Variants in ADRA1A observed in about 807,000 individuals in gnomAD.
ADRA1A encodes alpha-1A adrenergic receptor.
ADRA1A carries 31 observed loss-of-function variants against 29.6 expected under a neutral mutation model. The observed-to-expected ratio is 1.05, with a 90% CI of 0.79 to 1.41. The LOEUF is 1.41. Among genes scored for constraint, ADRA1A ranks in the 40% most tolerant of loss-of-function variants. The probability of loss-of-function intolerance (pLI) is 0.00; values close to 1 mark genes in which losing one functional copy is unlikely to be tolerated. For missense variants in ADRA1A, 619 were observed against 601.1 expected (o/e 1.03, Z -0.31); for synonymous variants, 311 against 254.3 (o/e 1.22, Z -2.12).
At position 26,823,911 on chromosome 8, in the gene ADRA1A, G is replaced by T. The variant is rs1313952023; in HGVS notation, c.883+40176C>A. ...ATCTTCATACTCCAAGCCTTTCTTT[G>T]GGTCTTTGTTCCACGCTATGTTACT... On this transcript the variant is annotated intron_variant, in intron 2 of 2. Coordinates refer to ENST00000380573, the MANE Select transcript of ADRA1A (RefSeq NM_000680.4). The surrounding 1 kb of genome is among the most constrained non-coding windows in gnomAD (Gnocchi z 4.2). Among the ~76,000 whole-genome samples, 1 of 152,144 alleles carries T rather than the reference G, an allele frequency of 6.6e-6. No homozygotes were observed. The highest frequency in any genetic ancestry group is 1.5e-5 in the Non-Finnish European group (1 of 68,036).
At chr8:26,802,423 T>C (rs1808652888) in intron 2 of ADRA1A, among the ~76,000 whole-genome samples, 1 of 152,092 alleles carries the variant, frequency 6.6e-6, no homozygotes, top group Admixed American at 6.5e-5. Context: ...AAGATATGAA[T>C]AGACATTTCT....
downstream of ADRA1A, among the ~76,000 whole-genome samples, chr8:26,756,108 C>T (rs1805154536): frequency 6.6e-6 from 1 of 152,194 alleles, no homozygotes; most frequent in South Asian, 2.1e-4. Flanking sequence ...AAGCAAATTG[C>T]AAACATACTT....
downstream of ADRA1A, among the ~76,000 whole-genome samples, chr8:26,764,839 T>C (rs1182482081): frequency 1.3e-5 from 2 of 152,238 alleles, no homozygotes; most frequent in African/African-American, 2.4e-5. Flanking sequence ...AAGAAGCCAG[T>C]GCCGTCATTT....
At chr8:26,843,462 G>A (rs1257372756) in intron 2 of ADRA1A, among the ~76,000 whole-genome samples, 3 of 152,112 alleles carry the variant, frequency 2.0e-5, no homozygotes, top group Non-Finnish European at 2.9e-5. Flanking sequence ...AACCACATGG[G>A]CTGATCAGGG....
chr8:26,803,406 A>G lies in ADRA1A; in HGVS notation c.884-32740T>C, dbSNP rs537583766. ...AATGAAAAAAGATGACTCTTGAACT[A>G]TACTTATACTGTGCACAAAAATTAA... On this transcript the variant is annotated intron_variant, in intron 2 of 2. Coordinates refer to ENST00000380573, the MANE Select transcript of ADRA1A (RefSeq NM_000680.4). Among the ~76,000 whole-genome samples, 9 of 152,328 alleles carry G rather than the reference A, an allele frequency of 5.9e-5. No individual in the cohort carries two copies. The South Asian group carries it at 1.9e-3, about 32-fold the overall frequency.
chr8:26,854,606 A>G (rs1423619405), intron 2 of ADRA1A: 1 of 152,148 alleles, frequency 6.6e-6, no homozygotes. Flanking sequence ...ATTGTTGAGA[A>G]TTTGGTGCAG....
At chr8:26,820,391 T>G (rs1213113805) in intron 2 of ADRA1A, among the ~76,000 whole-genome samples, 2 of 152,218 alleles carry the variant, frequency 1.3e-5, no homozygotes, top group Non-Finnish European at 2.9e-5. Flanking sequence ...TATCAAGTCA[T>G]TTTTTGACCA....
At chr8:26,849,566 A>G (rs1340604588) in intron 2 of ADRA1A, among the ~76,000 whole-genome samples, 2 of 152,230 alleles carry the variant, frequency 1.3e-5, no homozygotes, top group Non-Finnish European at 2.9e-5. Flanking sequence ...TCGAATCACA[A>G]CAAAGACAAT....
rs1275129159 is a variant in ADRA1A, at chr8:26,770,484, G to A, written c.1066C>T (p.Leu356=). The part of the protein sequence containing the change: ...LCRKQSSKHA[L]GYTLHPPSQA... ...CTGGGCGGGTGCAGGGTGTAGCCCA[G>A]GGCATGTTTGGAAGACTGCTTTCTG... Residue 356 remains leucine, a synonymous_variant, in exon 3 of 3, where the codon CTG becomes TTG. Transcript: ENST00000380573. 29 of 1,614,078 alleles carry A rather than the reference G, an allele frequency of 1.8e-5. No individual in the cohort carries two copies. Among genetic ancestry groups the A allele is most frequent in the Non-Finnish European group, 2.4e-5 (28 of 1,180,040 alleles).
chr8:26,791,538 T>G (rs10107325), intron 2 of ADRA1A, among the ~76,000 whole-genome samples: 21,416 of 152,178 alleles, frequency 0.14, 1,545 homozygotes, highest in Middle Eastern at 0.24. Context: ...AATTTTCCCA[T>G]GTGTTCAGTG....
Position 26,866,205 on chromosome 8 carries a change from C to A in ADRA1A, c.-686-550G>T, listed in dbSNP as rs1207536548. 6.6e-6 allele frequency among the ~76,000 whole-genome samples: 1 copy of A among 152,170 alleles called. No homozygotes were observed. The highest frequency in any genetic ancestry group is 1.5e-5 in the Non-Finnish European group (1 of 68,030). ...GGAATTCGCACTCGGGTGTGCAGAG[C>A]GCACCGGTCTGTCCACCAGCCAAGC... On this transcript the variant is annotated intron_variant, in intron 1 of 2. Coordinates refer to ENST00000380573, the MANE Select transcript of ADRA1A (RefSeq NM_000680.4). This position sits in a 1 kb window ranked among gnomAD's most constrained non-coding sequence, Gnocchi z 5.7.
At chr8:26,847,290 A>G (rs1319548565) in intron 2 of ADRA1A, among the ~76,000 whole-genome samples, 2 of 147,738 alleles carry the variant, frequency 1.4e-5, no homozygotes, top group Non-Finnish European at 3.0e-5. Context: ...CAAAAAGAAA[A>G]ACGTCTCCAG....
exon 3 of ADRA1A, chr8:26,756,762 T>C: frequency 6.2e-7 from 1 of 1,614,066 alleles, no homozygotes; most frequent in Non-Finnish European, 8.5e-7. Flanking sequence ...GCTGGCTTCA[T>C]GTCATGGGTG....
At chr8:26,832,199 C>T (rs898885208) in intron 2 of ADRA1A, among the ~76,000 whole-genome samples, 2 of 152,156 alleles carry the variant, frequency 1.3e-5, no homozygotes, top group African/African-American at 2.4e-5. Flanking sequence ...GTGGGACGCT[C>T]ATGGTGAGAA....
chr8:26,748,558 G>A, exon 3 of ADRA1A: 2 of 376,898 alleles, frequency 5.3e-6, no homozygotes, highest in South Asian at 4.1e-5. Context: ...GGCCAACATG[G>A]TGAAACCCCG....
intron 2 of ADRA1A, among the ~76,000 whole-genome samples, chr8:26,849,714 A>G (rs1009919836): frequency 8.5e-5 from 13 of 152,232 alleles, no homozygotes; most frequent in Admixed American, 7.8e-4. Context: ...TACTGTTCCT[A>G]TGAAAAGCTT....
intron 2 of ADRA1A, among the ~76,000 whole-genome samples, chr8:26,814,308 A>C (rs2130558281): frequency 6.6e-6 from 1 of 152,204 alleles, no homozygotes; most frequent in South Asian, 2.1e-4. Context: ...CAGTGATATG[A>C]TCATAGATTA....
intron 2 of ADRA1A, among the ~76,000 whole-genome samples, chr8:26,826,978 C>G (rs765978053): frequency 6.6e-6 from 1 of 152,294 alleles, no homozygotes; most frequent in Middle Eastern, 3.4e-3. Flanking sequence ...AGGGAGGACA[C>G]AGCTATGTAT....
At chr8:26,845,854 C>T (rs931429679) in intron 2 of ADRA1A, among the ~76,000 whole-genome samples, 2 of 152,094 alleles carry the variant, frequency 1.3e-5, no homozygotes, top group African/African-American at 4.8e-5. Context: ...TATATGATCC[C>T]ATTCATATGC....
Sources: allele counts gnomAD v4.1 joint callset (sites outside exome capture counted in the v4.1 genomes callset), GRCh38; gene constraint gnomAD v4.1.1; non-coding constraint Gnocchi (gnomAD v3.1); transcripts MANE v1.5; gene names NCBI Gene and HGNC (gene_info 2026-07-23, HGNC 2026-07-21).